DNAH1: variants seen among roughly 807,000 people sequenced by gnomAD.
The protein encoded by DNAH1 is dynein axonemal heavy chain 1.
DNAH1 carries 327 observed loss-of-function variants against 484.3 expected under a neutral mutation model. That is an observed-to-expected ratio of 0.68 (90% CI 0.62 to 0.74). The LOEUF (loss-of-function observed/expected upper bound fraction) is 0.74. DNAH1 is among the 30% of genes least tolerant of loss of function. The pLI, the probability that DNAH1 is intolerant of heterozygous loss-of-function variation, is 0.00. For missense variants in DNAH1, 5,052 were observed against 5,546.8 expected (o/e 0.91, Z 2.83); for synonymous variants, 2,192 against 2,191.9 (o/e 1.00, Z 0.00).
At chr3:52,394,280 T>G (rs995120321) in intron 66 of DNAH1, among the ~76,000 whole-genome samples, 185 bp from the exon 67 acceptor site, 2 of 152,246 alleles carry the variant, frequency 1.3e-5, no homozygotes. Flanking sequence ...TCTCTTGCCC[T>G]AAGGGCACAC....
Position 52,391,457 on chromosome 3 carries a change from G to A in DNAH1, c.9906G>A (p.Gln3302=). ...PVLLKQTYKQ[Q]GNTVLKLGDT... is the part of the protein sequence containing the mutation. ...ACCCACCACAGACGTACAAGCAGCA[G>A]GGAAACACGGTGCTGAAGCTGGGGG... Residue 3302 remains glutamine (Q), a synonymous_variant, in exon 63 of 78, where the codon CAG becomes CAA. Transcript: ENST00000420323. 1 of 1,611,228 alleles carries A rather than the reference G, an allele frequency of 6.2e-7. No individual in the cohort carries two copies. The highest frequency in any genetic ancestry group is 8.5e-7 in the Non-Finnish European group (1 of 1,178,678).
rs749649349 is a variant in DNAH1, at chr3:52,379,245, G to A, written c.7377+465G>A. 4.6e-5 allele frequency among the ~76,000 whole-genome samples: 7 copies of A among 152,156 alleles called. No individual in the cohort carries two copies. Among genetic ancestry groups the A allele is most frequent in the Admixed American group, 1.3e-4 (2 of 15,276 alleles). ...GGTGTAATGAGCCGTGTGGGTGGGC[G>A]GGGGACAGACCTGCACTTTGGAATG... On this transcript the variant is annotated intron_variant, in intron 47 of 77. Transcript: ENST00000420323. The surrounding 1 kb of genome is among the most constrained non-coding windows in gnomAD (Gnocchi z 4.4).
chr3:52,359,005 A>G (rs1292171049), intron 25 of DNAH1, among the ~76,000 whole-genome samples: 1 of 152,058 alleles, frequency 6.6e-6, no homozygotes, highest in Non-Finnish European at 1.5e-5. Context: ...TCTCAGCTCC[A>G]TGACCATAAC....
At position 52,379,884 on chromosome 3, in the gene DNAH1, C is replaced by G. The variant is rs778913193; in HGVS notation, c.7378-21C>G. Reference sequence around the variant, plus strand: ...AGGGCTTGGGGGCCAAGGACAGGCACCGATGCTGGGGCTACTGCAGGACCA... The same window carrying G: ...AGGGCTTGGGGGCCAAGGACAGGCAGCGATGCTGGGGCTACTGCAGGACCA... On this transcript the variant is annotated intron_variant, in intron 47 of 77. Transcript: ENST00000420323. The surrounding 1 kb of genome is among the most constrained non-coding windows in gnomAD (Gnocchi z 4.4). The G allele has an allele frequency of 6.5e-6, 10 of 1,545,130 alleles. No homozygotes were observed. In the African/African-American group the frequency reaches 1.4e-4, roughly 21 times the overall value.
At position 52,392,874 on chromosome 3, in the gene DNAH1, G is replaced by C; in HGVS notation, c.10323G>C (p.Leu3441=). 6.2e-7 allele frequency: 1 copy of C among 1,607,592 alleles called. No individual in the cohort carries two copies. Among genetic ancestry groups the C allele is most frequent in the Non-Finnish European group, 8.5e-7 (1 of 1,178,840 alleles). The stretch of plus-strand genomic sequence containing the variant: ...AGCAGACGGAGAAGGACATCGACCT[G>C]ACGCGCATGGAGTACATACCCGTGG... ...IAEQTEKDID[L]TRMEYIPVAI... The change falls in exon 65 of 78, where the codon CTG becomes CTC. Residue 3441 remains leucine, a synonymous_variant. Coordinates refer to ENST00000420323, the MANE Select transcript of DNAH1 (RefSeq NM_015512.5).
upstream of DNAH1, among the ~76,000 whole-genome samples, chr3:52,312,368 C>T (rs1339641994): frequency 3.9e-5 from 6 of 152,024 alleles, no homozygotes; most frequent in Admixed American, 3.3e-4. Flanking sequence ...AGACCTGAGT[C>T]CTTACTGTAC....
chr3:52,364,911 A>G lies in DNAH1; in HGVS notation c.5410A>G (p.Ile1804Val), dbSNP rs747939277. 15 of 1,613,882 alleles carry G rather than the reference A, an allele frequency of 9.3e-6. No individual in the cohort carries two copies. In the South Asian group the frequency reaches 1.5e-4, roughly 17 times the overall value. ...GGAGGACCTCAAGCTCTTCTCTGGC[A>G]TCGTGTCCGACCTGTTTCCCACCAT... ...LQEDLKLFSG[I>V]VSDLFPTIKE... The change falls in exon 34 of 78, where the codon ATC becomes GTC. Residue 1804 changes from isoleucine (I) to valine (V), a missense_variant. Coordinates refer to ENST00000420323, the MANE Select transcript of DNAH1 (RefSeq NM_015512.5). The surrounding 1 kb of genome is among the most constrained non-coding windows in gnomAD (Gnocchi z 4.2).
intron 6 of DNAH1, among the ~76,000 whole-genome samples, chr3:52,329,839 A>C (rs1032289713): frequency 6.6e-5 from 10 of 151,856 alleles, no homozygotes; most frequent in Admixed American, 2.6e-4. Context: ...AAAAAAAAAA[A>C]CAGAAACAAA....
At position 52,349,399 on chromosome 3, in the gene DNAH1, C is replaced by T. The variant is rs756334980; in HGVS notation, c.2505C>T (p.Asn835=). Residue 835 remains asparagine, a synonymous_variant, in exon 14 of 78, where the codon AAC becomes AAT. Transcript: ENST00000420323. The stretch of plus-strand genomic sequence containing the variant: ...CCGTGCTGGACATCCTTGCCAAGAA[C>T]CTGCATAAGGAGGTGGATAGCGTAA... ...ATSVLDILAK[N]LHKEVDSICE... 1.4e-5 allele frequency: 23 copies of T among 1,613,898 alleles called. No individual in the cohort carries two copies. The highest frequency in any genetic ancestry group is 1.9e-5 in the Non-Finnish European group (23 of 1,179,884).
chr3:52,398,121 T>G lies in DNAH1; in HGVS notation c.12048T>G (p.Tyr4016Ter), dbSNP rs766384662. The G allele has an allele frequency of 6.2e-7, 1 of 1,613,632 alleles. No individual in the cohort carries two copies. The highest frequency in any genetic ancestry group is 8.5e-7 in the Non-Finnish European group (1 of 1,179,864). Reference protein sequence around the residue: ...QWVMAKYPVLYEESMNTVLVQ... With the variant: ...QWVMAKYPVL ...TGATGGCCAAGTACCCAGTGCTGTATGAGGAATCAATGAACACAGTACTAG... is the reference window on the plus strand; with the variant it reads ...TGATGGCCAAGTACCCAGTGCTGTAGGAGGAATCAATGAACACAGTACTAG... The change falls in exon 75 of 78, where the codon TAT becomes TAG. Residue 4016 changes from tyrosine to a stop codon, truncating the protein, a stop_gained. Transcript: ENST00000420323. LOFTEE classifies it high-confidence loss of function.
rs756965524 is a variant in DNAH1 at position 52,344,597 on chromosome 3, T to C, written c.1394T>C (p.Phe465Ser). 1 of 1,613,898 alleles carries C rather than the reference T, an allele frequency of 6.2e-7. No homozygotes were observed. The highest frequency in any genetic ancestry group is 1.3e-5 in the African/African-American group (1 of 75,034). ...GTTGTCTCTTCCAAGCCCGAGACCT[T>C]CTCCTACGTCACCCTCCCCAAGAAG... Reference protein sequence around the residue: ...DHVVSSKPETFSYVTLPKKEE... With the variant: ...DHVVSSKPETSSYVTLPKKEE... Residue 465 changes from phenylalanine to serine, a missense_variant, in exon 9 of 78, where the codon TTC becomes TCC. Phe to Ser is a radical substitution (Grantham distance 155). Coordinates refer to ENST00000420323, the MANE Select transcript of DNAH1 (RefSeq NM_015512.5).
In DNAH1 at chr3:52,369,514, C is replaced by T. The variant is rs561514987; in HGVS notation, c.5944-311C>T. On this transcript the variant is annotated intron_variant, in intron 37 of 77. Transcript: ENST00000420323. Reference sequence around the variant, plus strand: ...TGTCTATGTGCACAGGGGTGGAGGGCTCTGGAGCAAAATACACAGTTCCCA... The same window carrying T: ...TGTCTATGTGCACAGGGGTGGAGGGTTCTGGAGCAAAATACACAGTTCCCA... Among the ~76,000 whole-genome samples, 10 of 152,292 alleles carry T rather than the reference C, an allele frequency of 6.6e-5. No individual in the cohort carries two copies. The East Asian group carries it at 1.5e-3, about 24-fold the overall frequency.
chr3:52,359,052 A>C (rs1702740787), intron 25 of DNAH1, among the ~76,000 whole-genome samples, 194 bp from the exon 26 acceptor site: 1 of 152,130 alleles, frequency 6.6e-6, no homozygotes, highest in Non-Finnish European at 1.5e-5. Flanking sequence ...CAGCCTGCAG[A>C]GTCAGTTCAG....
chr3:52,332,505 G>A, intron 8 of DNAH1, 111 bp downstream of exon 8: 3 of 1,476,858 alleles, frequency 2.0e-6, no homozygotes, highest in Non-Finnish European at 2.7e-6. Context: ...TCATCTGTTT[G>A]AGACTGTCCT....
At chr3:52,394,705 G>C in intron 67 of DNAH1, 44 bp downstream of exon 67, 1 of 1,537,436 alleles carries the variant, frequency 6.5e-7, no homozygotes. Flanking sequence ...CCATCGAGGG[G>C]ATGAGTCCCT....
At chr3:52,345,739 G>A (rs375202890) in intron 10 of DNAH1, 33 bp downstream of exon 10, 41 of 1,590,320 alleles carry the variant, frequency 2.6e-5, no homozygotes, top group African/African-American at 1.9e-4. Flanking sequence ...GGGGGCAAAC[G>A]CAGGGCAGAC....
Position 52,395,074 on chromosome 3 carries a change from C to G in DNAH1, c.10968+15C>G. The G allele has an allele frequency of 6.2e-7, 1 of 1,602,108 alleles. No homozygotes were observed. Among genetic ancestry groups the G allele is most frequent in the Non-Finnish European group, 8.5e-7 (1 of 1,174,326 alleles). ...TTGAACCCCAGGCAAGTGCTGGAAC[C>G]CTGGCAGGACTGGCACCTTGAGCTT... On this transcript the variant is annotated intron_variant, in intron 68 of 77. Transcript: ENST00000420323. The surrounding 1 kb of genome is among the most constrained non-coding windows in gnomAD (Gnocchi z 4.4).
chr3:52,383,394 C>T lies in DNAH1; in HGVS notation c.7950C>T (p.Asn2650=), dbSNP rs751048768. Reference sequence around the variant, plus strand: ...CCTTCACCCCTCCCCAGATCAAGAACGAATCCTTCCTGGAAGATATCAACA... The same window carrying T: ...CCTTCACCCCTCCCCAGATCAAGAATGAATCCTTCCTGGAAGATATCAACA... The part of the protein sequence containing the change: ...TFLFSDTQIK[N]ESFLEDINNV... The change falls in exon 51 of 78, where the codon AAC becomes AAT. Residue 2650 remains asparagine, a synonymous_variant. Transcript: ENST00000420323. 7.4e-6 allele frequency: 12 copies of T among 1,613,710 alleles called. No individual in the cohort carries two copies. In the Admixed American group the frequency reaches 8.3e-5, roughly 11 times the overall value.
Position 52,356,762 on chromosome 3 carries a change from C to G in DNAH1, c.3842C>G (p.Ala1281Gly), listed in dbSNP as rs778024259. 7 of 1,608,592 alleles carry G rather than the reference C, an allele frequency of 4.4e-6. No individual in the cohort carries two copies. Among genetic ancestry groups the G allele is most frequent in the Non-Finnish European group, 5.9e-6 (7 of 1,177,398 alleles). The change falls in exon 22 of 78, where the codon GCC becomes GGC. Residue 1281 changes from alanine (A) to glycine (G), a missense_variant. By Grantham distance (60) the Ala-to-Gly change is moderately conservative (BLOSUM62 0). Around this residue, in one of 4 missense-constraint regions of DNAH1, gnomAD observed 2,929 missense variants for 3,409.4 expected, o/e 0.86. Transcript: ENST00000420323. ...ERIWKKIMKNAYENREVINVC... is the reference protein window; with the variant it reads ...ERIWKKIMKNGYENREVINVC... ...ATCTGGAAGAAGATCATGAAGAATG[C>G]CTACGAGAACCGGGAGGCAAGCTCA...
Sources: allele counts gnomAD v4.1 joint callset (sites outside exome capture counted in the v4.1 genomes callset), GRCh38; gene constraint gnomAD v4.1.1; regional missense constraint gnomAD v4.1.1; non-coding constraint Gnocchi (gnomAD v3.1); transcripts MANE v1.5; gene names NCBI Gene and HGNC (gene_info 2026-07-23, HGNC 2026-07-21).